GJD4: variants seen among roughly 807,000 people sequenced by gnomAD.
The protein encoded by GJD4 is gap junction protein delta 4, also known as gap junction delta-4 protein.
Under a neutral mutation model 17.9 loss-of-function variants are expected in GJD4, and 18 were observed. That is an observed-to-expected ratio of 1.00 (90% CI 0.69 to 1.49). The LOEUF (loss-of-function observed/expected upper bound fraction) is 1.49. Among genes scored for constraint, GJD4 ranks in the 40% most tolerant of loss-of-function variants. The pLI, the probability that GJD4 is intolerant of heterozygous loss-of-function variation, is 0.00. For missense variants in GJD4, 639 were observed against 506.9 expected, an observed-to-expected ratio of 1.26 and a Z score of -2.50; for synonymous variants, 293 against 236.8, an observed-to-expected ratio of 1.24 and a Z score of -2.18.
rs576225269 is a variant in GJD4 at position 35,605,896 on chromosome 10, G to A, written c.64+265G>A. 322 of 491,420 alleles carry A rather than the reference G, an allele frequency of 6.6e-4. 4 individuals are homozygous for A. Among genetic ancestry groups the A allele is most frequent in the Non-Finnish European group, 9.6e-4 (267 of 277,668 alleles). 30.4% of individuals were successfully genotyped at this position (491,420 alleles called of 1,614,324 possible). On this transcript the variant is annotated intron_variant, in intron 1 of 1. Coordinates refer to ENST00000321660, the MANE Select transcript of GJD4 (RefSeq NM_153368.3). ...ATTGTTCTCTCACAGATCATCCTGT[G>A]CTGACACTGGGGTGCTGACTCCAAA...
At position 35,607,889 on chromosome 10, in the gene GJD4, C is replaced by T. The variant is rs1209651850; in HGVS notation, c.376C>T (p.Arg126Trp). 3.1e-6 allele frequency: 5 copies of T among 1,593,140 alleles called. No individual in the cohort carries two copies. Among genetic ancestry groups the T allele is most frequent in the Non-Finnish European group, 4.3e-6 (5 of 1,174,726 alleles). Residue 126 changes from arginine (R) to tryptophan (W), a missense_variant, in exon 2 of 2, where the codon CGG (arginine) becomes TGG (tryptophan). Coordinates refer to ENST00000321660, the MANE Select transcript of GJD4 (RefSeq NM_153368.3). ...EPASGQRRCP[R>W]PFGERGGLQV... ...GGCCTCCGGGCAGAGACGCTGCCCG[C>T]GGCCATTCGGGGAGCGCGGCGGCCT...
chr10:35,608,088 C>T lies in GJD4; in HGVS notation c.575C>T (p.Thr192Ile). The T allele has an allele frequency of 6.2e-7, 1 of 1,608,800 alleles. No individual in the cohort carries two copies. The highest frequency in any genetic ancestry group is 8.5e-7 in the Non-Finnish European group (1 of 1,177,640). Residue 192 changes from threonine (T) to isoleucine (I), a missense_variant, in exon 2 of 2, where the codon ACA (threonine) becomes ATA (isoleucine). Thr to Ile is a moderately conservative substitution (Grantham distance 89, BLOSUM62 -1). Transcript: ENST00000321660. Reference protein sequence around the residue: ...GVVDCYVSRPTEKSLLMLFLW... With the variant: ...GVVDCYVSRPIEKSLLMLFLW... ...GTGGACTGCTACGTGTCGCGGCCCA[C>T]AGAGAAGTCCCTGCTGATGCTGTTC...
rs1449541383 is a variant in GJD4 at position 35,607,775 on chromosome 10, C to G, written c.262C>G (p.Pro88Ala). The stretch of plus-strand genomic sequence containing the variant: ...GATCCAGGGCGTGTGCGTCCTCCTC[C>G]CCTCCGCCGTCTTCAGCGTCTATGT... ...WLIQGVCVLL[P>A]SAVFSVYVLH... is the part of the protein sequence containing the mutation. Residue 88 changes from proline to alanine, a missense_variant, in exon 2 of 2, where the codon CCC (proline) becomes GCC (alanine). By Grantham distance (27) the Pro-to-Ala change is conservative (BLOSUM62 -1). Transcript: ENST00000321660. 1 of 1,609,214 alleles carries G rather than the reference C, an allele frequency of 6.2e-7. No individual in the cohort carries two copies. The highest frequency in any genetic ancestry group is 1.3e-5 in the African/African-American group (1 of 74,938).
intron 1 of GJD4, chr10:35,605,843 C>T (rs1336701532): frequency 7.0e-6 from 4 of 572,508 alleles, no homozygotes; most frequent in East Asian, 2.9e-5. Context: ...GCGGTTCCTC[C>T]GTCATGTAAG....
Position 35,605,631 on chromosome 10 carries a change from G to C in GJD4, c.64G>C (p.Gly22Arg). The change falls in exon 1 of 2, where the codon GGA (glycine) becomes CGA (arginine). Residue 22 changes from glycine to arginine, a missense_variant and splice_region_variant. Physicochemically the swap from Gly to Arg is moderately radical, Grantham distance 125. Transcript: ENST00000321660. Reference protein sequence around the residue: ...ITLNCNVTMVGKLWFVLTMLL... With the variant: ...ITLNCNVTMVRKLWFVLTMLL... ...ATTAAACTGCAACGTGACCATGGTG[G>C]GTGAGTATTGGGACCATCTCCAAAC... The C allele has an allele frequency of 6.2e-7, 1 of 1,610,942 alleles. No individual in the cohort carries two copies. Among genetic ancestry groups the C allele is most frequent in the Non-Finnish European group, 8.5e-7 (1 of 1,177,146 alleles).
In GJD4 at chr10:35,605,685, T is replaced by A. The variant is rs1449405512; in HGVS notation, c.64+54T>A. 3.7e-6 allele frequency: 5 copies of A among 1,346,044 alleles called. No individual in the cohort carries two copies. The African/African-American group carries it at 7.2e-5, about 19-fold the overall frequency. 83.4% of individuals were successfully genotyped at this position (1,346,044 alleles called of 1,614,324 possible). A position where few individuals can be genotyped will look rare whatever the true frequency, so the allele number is the denominator to read the frequency against. ...TGCGCTGTTTTTATTTCCACTGCCA[T>A]GGTGGAATTGAGTCCTTAAAGGGTC... On this transcript the variant is annotated intron_variant, in intron 1 of 1. Coordinates refer to ENST00000321660, the MANE Select transcript of GJD4 (RefSeq NM_153368.3).
chr10:35,608,132 C>G lies in GJD4; in HGVS notation c.619C>G (p.Leu207Val). Reference protein sequence around the residue: ...LMLFLWAVSALSFLLGLADLV... With the variant: ...LMLFLWAVSAVSFLLGLADLV... ...GCTGTTCCTCTGGGCGGTCAGCGCG[C>G]TGTCTTTTCTGCTGGGCCTCGCCGA... The change falls in exon 2 of 2, where the codon CTG becomes GTG. Residue 207 changes from leucine (L) to valine (V), a missense_variant. Physicochemically the swap from Leu to Val is conservative, Grantham distance 32 (BLOSUM62 1). Coordinates refer to ENST00000321660, the MANE Select transcript of GJD4 (RefSeq NM_153368.3). 1 of 1,609,310 alleles carries G rather than the reference C, an allele frequency of 6.2e-7. No homozygotes were observed. The highest frequency in any genetic ancestry group is 1.1e-5 in the South Asian group (1 of 90,682).
Position 35,605,428 on chromosome 10 carries a change from C to G in GJD4, c.-140C>G, listed in dbSNP as rs1159248218. 2 of 730,096 alleles carry G rather than the reference C, an allele frequency of 2.7e-6. No homozygotes were observed. Among genetic ancestry groups the G allele is most frequent in the Non-Finnish European group, 4.8e-6 (2 of 415,892 alleles). 45.2% of individuals were successfully genotyped at this position (730,096 alleles called of 1,614,324 possible). ...TGGAGACAGAAAAACCCACCTCCTA[C>G]TCCTGGCTCAGACCTTTGCTTTCTT... On this transcript the variant is annotated 5_prime_UTR_variant, in exon 1 of 2. Transcript: ENST00000321660.
intron 1 of GJD4, chr10:35,606,971 TC>T (rs966362420): frequency 6.6e-6 from 1 of 152,438 alleles, no homozygotes; most frequent in Non-Finnish European, 1.5e-5. Flanking sequence ...TAAATAGAGA[TC>T]CCTGGACTGT....
chr10:35,605,636 G>A lies in GJD4; in HGVS notation c.64+5G>A. The stretch of plus-strand genomic sequence containing the variant: ...ACTGCAACGTGACCATGGTGGGTGA[G>A]TATTGGGACCATCTCCAAACTCCTG... On this transcript the variant is annotated splice_donor_5th_base_variant and intron_variant, in intron 1 of 1. Transcript: ENST00000321660. 6.2e-7 allele frequency: 1 copy of A among 1,609,384 alleles called. No individual in the cohort carries two copies.
At chr10:35,607,256 G>A in intron 1 of GJD4, 1 of 332,370 alleles carries the variant, frequency 3.0e-6, no homozygotes, top group South Asian at 4.4e-5. Flanking sequence ...TCAGTGCTCA[G>A]TAAATATTTG....
rs1355960108 is a variant in GJD4 at position 35,608,490 on chromosome 10, G to T, written c.977G>T (p.Gly326Val). 2 of 1,549,540 alleles carry T rather than the reference G, an allele frequency of 1.3e-6. No individual in the cohort carries two copies. The highest frequency in any genetic ancestry group is 2.0e-5 in the Admixed American group (1 of 50,986). Residue 326 changes from glycine (G) to valine (V), a missense_variant, in exon 2 of 2, where the codon GGA (glycine) becomes GTA (valine). By Grantham distance (109) the Gly-to-Val change is moderately radical (BLOSUM62 -3). Coordinates refer to ENST00000321660, the MANE Select transcript of GJD4 (RefSeq NM_153368.3). ...REAAQDPRGSGSEEQPSAAPS... is the reference protein window; with the variant it reads ...REAAQDPRGSVSEEQPSAAPS... ...GCCGCCCAGGACCCCAGGGGCTCAGGATCCGAGGAGCAGCCCTCAGCAGCC... is the reference window on the plus strand; with the variant it reads ...GCCGCCCAGGACCCCAGGGGCTCAGTATCCGAGGAGCAGCCCTCAGCAGCC...
intron 1 of GJD4, chr10:35,606,420 T>TA (rs1220986403): frequency 6.6e-6 from 1 of 152,208 alleles, no homozygotes; most frequent in African/African-American, 2.4e-5. Flanking sequence ...TTATTTTTTT[T>TA]AACAAAGAAA....
rs1269524564 is a variant in GJD4, at chr10:35,607,750, G to A, written c.237G>A (p.Leu79=). ...CCGTGTCTCACCTGCGGTTCTGGCT[G>A]ATCCAGGGCGTGTGCGTCCTCCTCC... ...FSPVSHLRFW[L]IQGVCVLLPS... Residue 79 remains leucine, a synonymous_variant, in exon 2 of 2, where the codon CTG becomes CTA. Coordinates refer to ENST00000321660, the MANE Select transcript of GJD4 (RefSeq NM_153368.3). 3.7e-6 allele frequency: 6 copies of A among 1,612,914 alleles called. No homozygotes were observed. Among genetic ancestry groups the A allele is most frequent in the Non-Finnish European group, 5.1e-6 (6 of 1,180,030 alleles).
rs921852956 is a variant in GJD4 at position 35,607,683 on chromosome 10, T to C, written c.170T>C (p.Leu57Pro). Residue 57 changes from leucine (L) to proline (P), a missense_variant, in exon 2 of 2, where the codon CTG becomes CCG. By Grantham distance (98) the Leu-to-Pro change is moderately conservative. Coordinates refer to ENST00000321660, the MANE Select transcript of GJD4 (RefSeq NM_153368.3). ...DEQERFVCNT[L>P]QPGCANVCYD... ...CAGGAGAGGTTTGTCTGCAACACGC[T>C]GCAGCCGGGATGCGCCAATGTTTGC... 6 of 1,614,192 alleles carry C rather than the reference T, an allele frequency of 3.7e-6. 1 individual carries two copies. The highest frequency in any genetic ancestry group is 8.5e-7 in the Non-Finnish European group (1 of 1,180,020).
At position 35,607,809 on chromosome 10, in the gene GJD4, G is replaced by A. The variant is rs1835476504; in HGVS notation, c.296G>A (p.Arg99Gln). 22 of 1,602,142 alleles carry A rather than the reference G, an allele frequency of 1.4e-5. No homozygotes were observed. Among genetic ancestry groups the A allele is most frequent in the Non-Finnish European group, 1.7e-5 (20 of 1,179,760 alleles). Residue 99 changes from arginine to glutamine, a missense_variant, in exon 2 of 2, where the codon CGA becomes CAA. Physicochemically the swap from Arg to Gln is conservative, Grantham distance 43. Transcript: ENST00000321660. ...SAVFSVYVLH[R>Q]GATLAALGPR... ...GTCTTCAGCGTCTATGTCCTGCACC[G>A]AGGAGCCACGCTCGCCGCGCTGGGC...
In GJD4 at chr10:35,607,695, G is replaced by A. The variant is rs377419859; in HGVS notation, c.182G>A (p.Cys61Tyr). The change falls in exon 2 of 2, where the codon TGC (cysteine) becomes TAC (tyrosine). Residue 61 changes from cysteine (C) to tyrosine (Y), a missense_variant. Coordinates refer to ENST00000321660, the MANE Select transcript of GJD4 (RefSeq NM_153368.3). The stretch of plus-strand genomic sequence containing the variant: ...GTCTGCAACACGCTGCAGCCGGGAT[G>A]CGCCAATGTTTGCTACGACGTCTTC... ...RFVCNTLQPG[C>Y]ANVCYDVFSP... 1 of 1,614,162 alleles carries A rather than the reference G, an allele frequency of 6.2e-7. No individual in the cohort carries two copies. Among genetic ancestry groups the A allele is most frequent in the Non-Finnish European group, 8.5e-7 (1 of 1,180,038 alleles).
chr10:35,608,647 GC>G lies in GJD4; in HGVS notation c.*25del. 1 of 1,452,586 alleles carries G rather than the reference GC, an allele frequency of 6.9e-7. No homozygotes were observed. The highest frequency in any genetic ancestry group is 9.1e-7 in the Non-Finnish European group (1 of 1,100,304). The allele number at this position is 1,452,586 out of a possible 1,614,324, so 90.0% of individuals were successfully genotyped here. A position where few individuals can be genotyped will look rare whatever the true frequency, so the allele number is the denominator to read the frequency against. The stretch of plus-strand genomic sequence containing the variant: ...TGTGAAAAAAACAGCACCTGGCGGT[GC>G]CCCGGGGCTCACGCCTGTAATCCCA... On this transcript the variant is annotated 3_prime_UTR_variant, in exon 2 of 2. Transcript: ENST00000321660.
In GJD4 at chr10:35,607,813, A is replaced by T; in HGVS notation, c.300A>T (p.Gly100=). The T allele has an allele frequency of 1.2e-6, 2 of 1,601,688 alleles. No homozygotes were observed. Among genetic ancestry groups the T allele is most frequent in the African/African-American group, 2.7e-5 (2 of 74,938 alleles). ...TCAGCGTCTATGTCCTGCACCGAGGAGCCACGCTCGCCGCGCTGGGCCCCC... is the reference window on the plus strand; with the variant it reads ...TCAGCGTCTATGTCCTGCACCGAGGTGCCACGCTCGCCGCGCTGGGCCCCC... The part of the protein sequence containing the change: ...AVFSVYVLHR[G]ATLAALGPRR... Residue 100 remains glycine, a synonymous_variant, in exon 2 of 2, where the codon GGA becomes GGT. Transcript: ENST00000321660.
Sources: gnomAD v4.1 joint callset for allele counts on GRCh38, gnomAD v4.1.1 for gene constraint, MANE v1.5 for transcripts, NCBI Gene and HGNC (gene_info 2026-07-23, HGNC 2026-07-21) for gene names.